Variants in PIP4P2 observed in about 807,000 individuals in gnomAD.
The protein encoded by PIP4P2 is phosphatidylinositol-4,5-bisphosphate 4-phosphatase 2.
Under a neutral mutation model 33.3 loss-of-function variants are expected in PIP4P2, and 19 were observed. That is an observed-to-expected ratio of 0.57 (90% confidence interval 0.40 to 0.84). The LOEUF (loss-of-function observed/expected upper bound fraction) is 0.84, where lower values mean the gene tolerates loss of function less well. Ranked by LOEUF, PIP4P2 falls within the 40% of genes least tolerant of loss-of-function variation. PIP4P2 has a pLI of 0.00. For synonymous variants in PIP4P2, 110 were observed against 111.9 expected (o/e 0.98, Z 0.11); for missense variants, 270 against 324.7 (o/e 0.83, Z 1.29).
chr8:91,019,352 G>A, intron 3 of PIP4P2, among the ~76,000 whole-genome samples: 1 of 118,294 alleles, frequency 8.5e-6, no homozygotes, highest in Non-Finnish European at 1.6e-5. Context: ...TTGAACCCAG[G>A]AGTTCAAGAC....
chr8:91,014,799 T>C (rs903411915), intron 4 of PIP4P2, among the ~76,000 whole-genome samples: 2 of 77,208 alleles, frequency 2.6e-5, no homozygotes, highest in African/African-American at 6.6e-5. Context: ...ACACACACGA[T>C]AACTATATGA....
intron 1 of PIP4P2, among the ~76,000 whole-genome samples, chr8:91,025,080 C>T (rs1186781145): frequency 6.6e-6 from 1 of 151,138 alleles, no homozygotes; most frequent in African/African-American, 2.4e-5. Flanking sequence ...ATTTAAGGAC[C>T]AATGGGGGGA....
At chr8:90,997,092 A>AT (rs967768164) in intron 5 of PIP4P2, among the ~76,000 whole-genome samples, 3 of 152,096 alleles carry the variant, frequency 2.0e-5, no homozygotes, top group African/African-American at 4.8e-5. Context: ...ATAGCATTTG[A>AT]TTTTTTTACA....
At chr8:91,036,072 A>G (rs539823530) in intron 1 of PIP4P2, among the ~76,000 whole-genome samples, 2 of 152,048 alleles carry the variant, frequency 1.3e-5, no homozygotes, top group Admixed American at 6.6e-5. Flanking sequence ...TTTAATCACT[A>G]CCTTAGCACA....
chr8:91,019,522 T>G (rs1383897181), intron 3 of PIP4P2, among the ~76,000 whole-genome samples: 1 of 147,490 alleles, frequency 6.8e-6, no homozygotes, highest in Non-Finnish European at 1.5e-5. Flanking sequence ...GAGGTCACAG[T>G]GAGCCAACTC....
In PIP4P2 at chr8:91,040,674, G is replaced by A; in HGVS notation, c.76C>T (p.Pro26Ser). Reference sequence around the variant, plus strand: ...GGGCTGCTTTCTTGCAAGTACGGTGGGGCGGTGGGAGTGACATTTCCGGAG... The same window carrying A: ...GGGCTGCTTTCTTGCAAGTACGGTGAGGCGGTGGGAGTGACATTTCCGGAG... The part of the protein sequence containing the change: ...SHSGNVTPTA[P>S]PYLQESSPRA... The change falls in exon 1 of 7, where the codon CCA becomes TCA. Residue 26 changes from proline (P) to serine (S), a missense_variant. Transcript: ENST00000285419. 1.9e-6 allele frequency: 3 copies of A among 1,613,632 alleles called. No homozygotes were observed. Among genetic ancestry groups the A allele is most frequent in the Non-Finnish European group, 2.5e-6 (3 of 1,180,040 alleles).
At chr8:91,033,226 G>C (rs1812195042) in intron 1 of PIP4P2, among the ~76,000 whole-genome samples, 1 of 152,134 alleles carries the variant, frequency 6.6e-6, no homozygotes, top group African/African-American at 2.4e-5. Context: ...ATTTCTAATT[G>C]AATAACTAAA....
intron 4 of PIP4P2, among the ~76,000 whole-genome samples, chr8:91,017,527 G>GA (rs1334087397): frequency 3.3e-5 from 5 of 152,152 alleles, no homozygotes; most frequent in Admixed American, 3.3e-4. Flanking sequence ...TCAGCTAGAT[G>GA]AGAAGATTGC....
chr8:91,005,636 T>C (rs1014409108), intron 5 of PIP4P2, among the ~76,000 whole-genome samples: 5 of 152,212 alleles, frequency 3.3e-5, no homozygotes, highest in Non-Finnish European at 7.3e-5. Flanking sequence ...GTTGAATTAA[T>C]GAATAATTAT....
chr8:91,010,656 T>C (rs1369001416), intron 4 of PIP4P2, among the ~76,000 whole-genome samples: 1 of 151,930 alleles, frequency 6.6e-6, no homozygotes, highest in Non-Finnish European at 1.5e-5. Flanking sequence ...AATTTTCTTA[T>C]AATTTATTCA....
rs568705493 is a variant in PIP4P2 at position 91,005,782 on chromosome 8, G to A, written c.539+2961C>T. On this transcript the variant is annotated intron_variant, in intron 5 of 6. Transcript: ENST00000285419. ...ATGATATTCAATGATAATTGTCATGGATTAAATCAATGTCTCTACTAGTCA... is the reference window on the plus strand; with the variant it reads ...ATGATATTCAATGATAATTGTCATGAATTAAATCAATGTCTCTACTAGTCA... Among the ~76,000 whole-genome samples the A allele has an allele frequency of 2.5e-4, 38 of 152,344 alleles. No individual in the cohort carries two copies. The East Asian group carries it at 5.6e-3, about 22-fold the overall frequency.
chr8:91,012,778 C>T lies in PIP4P2; in HGVS notation c.487-3983G>A, dbSNP rs188445098. ...GAAAGAGCCAGCTTTAGAAGTAAGT[C>T]TCTGGCTTGCACATTACTTTAGTAA... On this transcript the variant is annotated intron_variant, in intron 4 of 6. Coordinates refer to ENST00000285419, the MANE Select transcript of PIP4P2 (RefSeq NM_018710.3). Among the ~76,000 whole-genome samples the T allele has an allele frequency of 7.0e-4, 106 of 152,268 alleles. 2 individuals carry two copies. The East Asian group carries it at 0.02, about 28-fold the overall frequency.
chr8:91,037,213 C>T (rs938594088), intron 1 of PIP4P2, among the ~76,000 whole-genome samples: 3 of 152,152 alleles, frequency 2.0e-5, no homozygotes, highest in Middle Eastern at 3.2e-3. Flanking sequence ...AGAGAGTCTT[C>T]GGAGAATATC....
chr8:91,022,142 A>C (rs554466505), intron 1 of PIP4P2, among the ~76,000 whole-genome samples: 4 of 152,170 alleles, frequency 2.6e-5, no homozygotes, highest in Non-Finnish European at 2.9e-5. Context: ...CCATAACAAC[A>C]ACCACCACAA....
chr8:90,993,971 ATAATT>A lies in PIP4P2; in HGVS notation c.*1701_*1705del, dbSNP rs1811594595. On this transcript the variant is annotated 3_prime_UTR_variant, in exon 7 of 7. Transcript: ENST00000285419. ...TTCCAGAAGGAATATGACATAGCAT[ATAATT>A]TAATGTGAGCTTTCCAATCAATGAG... 1 of 152,218 alleles carries A rather than the reference ATAATT, an allele frequency of 6.6e-6. No individual in the cohort carries two copies. Among genetic ancestry groups the A allele is most frequent in the South Asian group, 2.1e-4 (1 of 4,836 alleles). The allele number at this position is 152,218 out of a possible 1,614,324, so 9.4% of individuals were successfully genotyped here. A position where few individuals can be genotyped will look rare whatever the true frequency, so the allele number is the denominator to read the frequency against.
intron 5 of PIP4P2, among the ~76,000 whole-genome samples, chr8:91,002,916 G>T (rs955588543): frequency 2.0e-5 from 3 of 152,130 alleles, no homozygotes; most frequent in Non-Finnish European, 4.4e-5. Flanking sequence ...TAACTAGGTT[G>T]TGTGTGTAGA....
At chr8:91,018,084 G>C (rs554320508) in intron 4 of PIP4P2, among the ~76,000 whole-genome samples, 3 of 152,148 alleles carry the variant, frequency 2.0e-5, no homozygotes, top group Admixed American at 2.0e-4. Context: ...GTGAGAGCAG[G>C]GCTAAGACTC....
In PIP4P2 at chr8:90,994,962, G is replaced by C. The variant is rs986813087; in HGVS notation, c.*715C>G. The stretch of plus-strand genomic sequence containing the variant: ...ATCTTTTATAAATGGTAAATAAAAA[G>C]GCAAAAATGAAAGACAAAAGTCCTG... On this transcript the variant is annotated 3_prime_UTR_variant, in exon 7 of 7. Transcript: ENST00000285419. 1.3e-4 allele frequency: 20 copies of C among 152,002 alleles called. No individual in the cohort carries two copies. The highest frequency in any genetic ancestry group is 4.3e-4 in the African/African-American group (18 of 41,406). The allele number at this position is 152,002 out of a possible 1,614,324, so 9.4% of individuals were successfully genotyped here.
chr8:91,008,673 T>C, intron 5 of PIP4P2, 70 bp downstream of exon 5: 1 of 1,431,342 alleles, frequency 7.0e-7, no homozygotes, highest in Non-Finnish European at 9.8e-7. Context: ...TCTACTTAAG[T>C]GAAAATTCTG....
Sources: gnomAD v4.1 joint callset for allele counts (sites outside exome capture counted in the v4.1 genomes callset) on GRCh38, gnomAD v4.1.1 for gene constraint, MANE v1.5 for transcripts, NCBI Gene and HGNC (gene_info 2026-07-23, HGNC 2026-07-21) for gene names.